Variants in GPC5 observed in about 807,000 individuals in gnomAD.
GPC5 encodes glypican 5, also known as glypican-5.
In GPC5, 47 loss-of-function variants were observed where a neutral mutation model predicts 53.9. The ratio of observed to expected loss-of-function variants is 0.87; its 90% confidence interval spans 0.69 to 1.11. The LOEUF (loss-of-function observed/expected upper bound fraction) is 1.11, where lower values mean the gene tolerates loss of function less well. Ranked by LOEUF, GPC5 falls within the 50% of genes most tolerant of loss-of-function variation. The pLI is 0.00. For missense variants in GPC5, 748 were observed against 713.1 expected, an observed-to-expected ratio of 1.05 and a Z score of -0.56; for synonymous variants, 286 against 263.3, an observed-to-expected ratio of 1.09 and a Z score of -0.84.
chr13:92,398,023 A>C (rs1875365264), intron 7 of GPC5, among the ~76,000 whole-genome samples: 1 of 152,168 alleles, frequency 6.6e-6, no homozygotes, highest in Admixed American at 6.5e-5. Flanking sequence ...GGGGGATAGG[A>C]AATCTTAAAT....
chr13:92,832,894 G>A (rs1318464220), intron 7 of GPC5, among the ~76,000 whole-genome samples: 1 of 152,122 alleles, frequency 6.6e-6, no homozygotes, highest in East Asian at 1.9e-4. Context: ...TATAATCCCA[G>A]CTACTTGGAA....
At chr13:92,753,172 C>T (rs1874667388) in intron 7 of GPC5, among the ~76,000 whole-genome samples, 1 of 152,146 alleles carries the variant, frequency 6.6e-6, no homozygotes, top group Non-Finnish European at 1.5e-5. Flanking sequence ...TAAAGTGGGT[C>T]CCTGACCCCT....
At chr13:92,657,035 A>C (rs1300446574) in intron 7 of GPC5, among the ~76,000 whole-genome samples, 1 of 152,250 alleles carries the variant, frequency 6.6e-6, no homozygotes, top group African/African-American at 2.4e-5. Flanking sequence ...ATTAAAAAAG[A>C]AATGAAATAA....
At chr13:92,472,447 G>C (rs1337194509) in intron 7 of GPC5, among the ~76,000 whole-genome samples, 1 of 152,052 alleles carries the variant, frequency 6.6e-6, no homozygotes, top group African/African-American at 2.4e-5. Context: ...GTTTCAATAA[G>C]TATCCAGACC....
chr13:91,699,373 C>T (rs1001067202), intron 3 of GPC5, among the ~76,000 whole-genome samples: 8 of 152,126 alleles, frequency 5.3e-5, no homozygotes, highest in Non-Finnish European at 1.2e-4. Context: ...ATAGACGAAG[C>T]CCATGGGTGG....
intron 2 of GPC5, among the ~76,000 whole-genome samples, chr13:91,466,596 AT>A (rs1882254286): frequency 6.6e-6 from 1 of 152,110 alleles, no homozygotes; most frequent in African/African-American, 2.4e-5. Context: ...GAGTTAATAT[AT>A]TTTAATAGTC....
intron 7 of GPC5, among the ~76,000 whole-genome samples, chr13:92,326,220 G>A (rs949467095): frequency 1.3e-5 from 2 of 152,004 alleles, no homozygotes; most frequent in African/African-American, 2.4e-5. Flanking sequence ...TCTCATTCAG[G>A]TGTAATTCTA....
chr13:91,453,885 T>C (rs1881361422), intron 2 of GPC5, among the ~76,000 whole-genome samples: 1 of 152,088 alleles, frequency 6.6e-6, no homozygotes, highest in Non-Finnish European at 1.5e-5. Context: ...ACTTAGATTG[T>C]ACACAGTGTC....
At chr13:91,509,304 A>T (rs1885110559) in intron 2 of GPC5, among the ~76,000 whole-genome samples, 1 of 150,208 alleles carries the variant, frequency 6.7e-6, no homozygotes, top group South Asian at 2.1e-4. Flanking sequence ...GCAAACAAAA[A>T]AAACTTTTGC....
chr13:92,605,747 G>A (rs1337737253), intron 7 of GPC5, among the ~76,000 whole-genome samples: 1 of 151,530 alleles, frequency 6.6e-6, no homozygotes, highest in Non-Finnish European at 1.5e-5. Flanking sequence ...CCGCCACCGC[G>A]CCCGGCTAAC....
At chr13:91,811,538 G>T (rs1481714574) in intron 5 of GPC5, among the ~76,000 whole-genome samples, 3 of 152,064 alleles carry the variant, frequency 2.0e-5, no homozygotes, top group Non-Finnish European at 4.4e-5. Context: ...TTTTTAACAG[G>T]TATAAACTGT....
chr13:92,290,004 G>A (rs2042982369), intron 7 of GPC5, among the ~76,000 whole-genome samples: 1 of 151,992 alleles, frequency 6.6e-6, no homozygotes, highest in Non-Finnish European at 1.5e-5. Context: ...CAGGAAGATT[G>A]GTTTTAAAAA....
At chr13:92,372,689 C>A (rs1001732843) in intron 7 of GPC5, among the ~76,000 whole-genome samples, 2 of 151,324 alleles carry the variant, frequency 1.3e-5, no homozygotes, top group African/African-American at 4.9e-5. Flanking sequence ...TCCTATTTTT[C>A]TGTAGAGTAT....
chr13:91,460,990 C>T (rs1320160590), intron 2 of GPC5, among the ~76,000 whole-genome samples: 2 of 152,064 alleles, frequency 1.3e-5, no homozygotes, highest in African/African-American at 4.8e-5. Flanking sequence ...ATATATGTAG[C>T]AATAAATGTG....
intron 2 of GPC5, among the ~76,000 whole-genome samples, chr13:91,497,391 C>T (rs1243207854): frequency 6.6e-6 from 1 of 151,962 alleles, no homozygotes; most frequent in Non-Finnish European, 1.5e-5. Flanking sequence ...TTGTTAATTC[C>T]TGTACTGTTC....
chr13:92,089,373 G>T (rs543845965), intron 6 of GPC5, among the ~76,000 whole-genome samples: 1 of 152,278 alleles, frequency 6.6e-6, no homozygotes, highest in East Asian at 1.9e-4. Flanking sequence ...GGCAGAGCTT[G>T]CAGTGAGCCC....
intron 7 of GPC5, among the ~76,000 whole-genome samples, chr13:92,257,546 ATTTTT>A (rs398023955): frequency 2.1e-4 from 15 of 72,964 alleles, no homozygotes; most frequent in African/African-American, 4.6e-4. Flanking sequence ...TAATACAGGG[ATTTTT>A]TTTTTTTTTT....
intron 7 of GPC5, among the ~76,000 whole-genome samples, chr13:92,322,240 A>G (rs2043220824): frequency 6.6e-6 from 1 of 151,548 alleles, no homozygotes; most frequent in Admixed American, 6.6e-5. Context: ...AGGGGAGATG[A>G]GCAAGCAAGT....
chr13:91,437,380 C>T (rs1257034157), intron 1 of GPC5, among the ~76,000 whole-genome samples: 1 of 152,128 alleles, frequency 6.6e-6, no homozygotes, highest in Non-Finnish European at 1.5e-5. Context: ...TAGGGCAGGC[C>T]TGGTGGTGAC....
Sources: gnomAD v4.1 joint callset for allele counts (sites outside exome capture counted in the v4.1 genomes callset) on GRCh38, gnomAD v4.1.1 for gene constraint, MANE v1.5 for transcripts, NCBI Gene and HGNC (gene_info 2026-07-23, HGNC 2026-07-21) for gene names.